Variants in RILPL1 observed in about 807,000 individuals in gnomAD.
The protein encoded by RILPL1 is Rab interacting lysosomal protein like 1, also known as RILP-like protein 1.
A neutral mutation model predicts 50.3 loss-of-function variants in RILPL1; 33 were observed. The observed-to-expected ratio is 0.66, with a 90% CI of 0.50 to 0.88. RILPL1 has a LOEUF of 0.88. RILPL1 is among the 40% of genes least tolerant of loss of function. The pLI is 0.00. For synonymous variants in RILPL1, 205 were observed against 228.6 expected, an observed-to-expected ratio of 0.90 and a Z score of 0.93; for missense variants, 418 against 542.5, an observed-to-expected ratio of 0.77 and a Z score of 2.28.
chr12:123,520,943 G>T (rs1884980145), intron 2 of RILPL1, among the ~76,000 whole-genome samples: 1 of 152,172 alleles, frequency 6.6e-6, no homozygotes, highest in African/African-American at 2.4e-5. Context: ...CAGCAGCCCT[G>T]GGTCAAAGGG....
intron 4 of RILPL1, among the ~76,000 whole-genome samples, chr12:123,495,460 C>T (rs541459645): frequency 6.0e-4 from 89 of 149,374 alleles, no homozygotes; most frequent in East Asian, 2.7e-3. Flanking sequence ...CTGCAAGCTT[C>T]GCCTCCTGGG....
intron 2 of RILPL1, among the ~76,000 whole-genome samples, chr12:123,501,744 T>A (rs1217271573): frequency 8.4e-6 from 1 of 118,828 alleles, no homozygotes; most frequent in Non-Finnish European, 1.7e-5. Flanking sequence ...TGGGCAACAG[T>A]TCGAGACTCT....
intron 4 of RILPL1, among the ~76,000 whole-genome samples, chr12:123,496,448 T>C (rs1479261812): frequency 6.6e-6 from 1 of 152,198 alleles, no homozygotes; most frequent in Admixed American, 6.6e-5. Context: ...TGAACCCACC[T>C]GACTGTGAGC....
chr12:123,520,575 C>G (rs566153170), intron 2 of RILPL1, among the ~76,000 whole-genome samples: 1 of 152,216 alleles, frequency 6.6e-6, no homozygotes, highest in East Asian at 1.9e-4. Flanking sequence ...AACAAACAAA[C>G]AAACAAACAA....
chr12:123,507,708 G>A (rs1029907699), intron 2 of RILPL1, among the ~76,000 whole-genome samples: 1 of 151,470 alleles, frequency 6.6e-6, no homozygotes, highest in Admixed American at 6.6e-5. Context: ...TTGGAAGGCC[G>A]GGGTGGGTGG....
rs987081408 is a variant in RILPL1, at chr12:123,533,149, C to A, written c.309+25G>T. The A allele has an allele frequency of 1.3e-5, 20 of 1,508,360 alleles. No individual in the cohort carries two copies. Among genetic ancestry groups the A allele is most frequent in the Admixed American group, 2.0e-5 (1 of 49,962 alleles). 93.4% of individuals were successfully genotyped at this position (1,508,360 alleles called of 1,614,324 possible). ...GGTCCCCGCGGTCCCACTGCCCGGA[C>A]GGACAGACCGAGGCCGCCGCCCACC... On this transcript the variant is annotated intron_variant, in intron 1 of 6. Transcript: ENST00000376874. This position sits in a 1 kb window ranked among gnomAD's most constrained non-coding sequence, Gnocchi z 6.2.
rs1369302244 is a variant in RILPL1 at position 123,533,538 on chromosome 12, C to G, written c.-56G>C. ...CAAACTCGTGCAACTCCCAAACTTG[C>G]CGCTGTCGAGGGCCGGGCCGGCCGG... On this transcript the variant is annotated 5_prime_UTR_variant, in exon 1 of 7. Transcript: ENST00000376874. The surrounding 1 kb of genome is among the most constrained non-coding windows in gnomAD (Gnocchi z 6.2). The G allele has an allele frequency of 1.4e-6, 2 of 1,401,860 alleles. No homozygotes were observed. Among genetic ancestry groups the G allele is most frequent in the African/African-American group, 1.5e-5 (1 of 67,824 alleles). The allele number at this position is 1,401,860 out of a possible 1,614,324, so 86.8% of individuals were successfully genotyped here.
chr12:123,485,517 A>C lies in RILPL1; in HGVS notation c.974+116T>G, dbSNP rs1460136900. The C allele has an allele frequency of 3.0e-6, 3 of 999,636 alleles. No individual in the cohort carries two copies. The highest frequency in any genetic ancestry group is 1.6e-5 in the South Asian group (1 of 64,218). 61.9% of individuals were successfully genotyped at this position (999,636 alleles called of 1,614,324 possible). A position where few individuals can be genotyped will look rare whatever the true frequency, so the allele number is the denominator to read the frequency against. On this transcript the variant is annotated intron_variant, in intron 5 of 6. Coordinates refer to ENST00000376874, the MANE Select transcript of RILPL1 (RefSeq NM_178314.5). The surrounding 1 kb of genome is among the most constrained non-coding windows in gnomAD (Gnocchi z 4.0). ...GTTCTTTAGGCCAGAGAGGGTACCC[A>C]AAAAAAACACTGATGAAATGCTTGT...
chr12:123,521,606 TACACAC>T (rs762964864), intron 2 of RILPL1, among the ~76,000 whole-genome samples: 5 of 93,176 alleles, frequency 5.4e-5, no homozygotes, highest in South Asian at 5.9e-4. Flanking sequence ...TTAATATATA[TACACAC>T]ATATGTGTAT....
At chr12:123,517,667 C>T (rs1265527080) in intron 2 of RILPL1, among the ~76,000 whole-genome samples, 1 of 152,068 alleles carries the variant, frequency 6.6e-6, no homozygotes, top group African/African-American at 2.4e-5. Context: ...AGTGATCCAC[C>T]CGCCTCAGCC....
intron 6 of RILPL1, among the ~76,000 whole-genome samples, chr12:123,477,344 T>C (rs986467636): frequency 5.1e-5 from 7 of 137,378 alleles, no homozygotes; most frequent in African/African-American, 1.1e-4. Flanking sequence ...TTTCTTTTTT[T>C]TTTTTTTTTT....
intron 2 of RILPL1, among the ~76,000 whole-genome samples, chr12:123,512,884 G>A (rs552520527): frequency 1.4e-5 from 2 of 147,260 alleles, no homozygotes; most frequent in African/African-American, 5.1e-5. Context: ...GTCTGTGTGT[G>A]TGTGGTGTGT....
At position 123,489,129 on chromosome 12, in the gene RILPL1, C is replaced by T; in HGVS notation, c.802-3324G>A. The stretch of plus-strand genomic sequence containing the variant: ...GGAGCAACCCTGGATGTCTAGTTAT[C>T]CAACATTTACTGAGAGCTAACTTTG... On this transcript the variant is annotated intron_variant, in intron 4 of 6. Coordinates refer to ENST00000376874, the MANE Select transcript of RILPL1 (RefSeq NM_178314.5). This position sits in a 1 kb window ranked among gnomAD's most constrained non-coding sequence, Gnocchi z 4.0. 6.6e-6 allele frequency among the ~76,000 whole-genome samples: 1 copy of T among 152,170 alleles called. No individual in the cohort carries two copies. Among genetic ancestry groups the T allele is most frequent in the East Asian group, 1.9e-4 (1 of 5,196 alleles).
chr12:123,518,311 C>A, intron 2 of RILPL1: 1 of 420,860 alleles, frequency 2.4e-6, no homozygotes, highest in Non-Finnish European at 4.7e-6. Context: ...TCAGACCAGC[C>A]TGGGCAACAT....
intron 2 of RILPL1, among the ~76,000 whole-genome samples, chr12:123,516,140 T>A (rs1884683917): frequency 6.6e-6 from 1 of 151,446 alleles, no homozygotes; most frequent in South Asian, 2.1e-4. Flanking sequence ...CTGGGTCTCT[T>A]CATATCAGAC....
intron 4 of RILPL1, among the ~76,000 whole-genome samples, chr12:123,497,933 T>C (rs750568605): frequency 6.6e-6 from 1 of 152,206 alleles, no homozygotes; most frequent in African/African-American, 2.4e-5. Context: ...CATATGGTAC[T>C]GTGTGATTAA....
intron 2 of RILPL1, among the ~76,000 whole-genome samples, chr12:123,512,903 A>C (rs1242436423): frequency 2.6e-5 from 2 of 78,084 alleles, no homozygotes; most frequent in Non-Finnish European, 4.6e-5. Context: ...GTGCAGTGTG[A>C]GTGCGTGTAT....
In RILPL1 at chr12:123,472,491, G is replaced by A. The variant is rs1420300788; in HGVS notation, c.*47C>T. The A allele has an allele frequency of 1.9e-6, 3 of 1,547,498 alleles. No homozygotes were observed. Among genetic ancestry groups the A allele is most frequent in the Non-Finnish European group, 1.7e-6 (2 of 1,145,036 alleles). On this transcript the variant is annotated 3_prime_UTR_variant, in exon 7 of 7. Transcript: ENST00000376874. The stretch of plus-strand genomic sequence containing the variant: ...CCCCTGGGCTGCAGTTCGGTTGCAG[G>A]CGCTGGTGGCGGGCAGTCCAGGTTG...
intron 2 of RILPL1, among the ~76,000 whole-genome samples, chr12:123,520,181 C>T (rs552598185): frequency 5.3e-5 from 8 of 152,346 alleles, no homozygotes; most frequent in African/African-American, 1.9e-4. Flanking sequence ...AAGGTGGTGA[C>T]GTCTCACAGG....
Sources: gnomAD v4.1 joint callset for allele counts (sites outside exome capture counted in the v4.1 genomes callset) on GRCh38, gnomAD v4.1.1 for gene constraint, Gnocchi (gnomAD v3.1) non-coding constraint, MANE v1.5 for transcripts, NCBI Gene and HGNC (gene_info 2026-07-23, HGNC 2026-07-21) for gene names.